The following SLC2A9 variants were observed in gnomAD, a reference collection of about 807,000 sequenced individuals.
SLC2A9 encodes solute carrier family 2, facilitated glucose transporter member 9.
In SLC2A9, 39 loss-of-function variants were observed where a neutral mutation model predicts 50.6. The observed-to-expected ratio is 0.77, with a 90% CI of 0.60 to 1.01. SLC2A9 has a LOEUF of 1.01. Ranked by LOEUF, SLC2A9 falls within the 50% of genes least tolerant of loss-of-function variation. The probability of loss-of-function intolerance (pLI) is 0.00; values close to 1 mark genes in which losing one functional copy is unlikely to be tolerated. For missense variants in SLC2A9, 686 were observed against 677.6 expected, an observed-to-expected ratio of 1.01 and a Z score of -0.14; for synonymous variants, 324 against 276.9, an observed-to-expected ratio of 1.17 and a Z score of -1.69.
chr4:9,942,759 T>C (rs1748411528), intron 5 of SLC2A9, among the ~76,000 whole-genome samples: 1 of 152,140 alleles, frequency 6.6e-6, no homozygotes, highest in African/African-American at 2.4e-5. Flanking sequence ...CCCATCAAGG[T>C]AGTATTCGTC....
intron 3 of SLC2A9, among the ~76,000 whole-genome samples, chr4:9,994,784 C>T (rs1044439775): frequency 1.3e-5 from 2 of 151,902 alleles, no homozygotes; most frequent in African/African-American, 4.8e-5. Context: ...TCAGAGCCTC[C>T]TTGAGGAGCA....
chr4:9,845,578 C>T (rs970725278), intron 10 of SLC2A9, among the ~76,000 whole-genome samples: 2 of 150,630 alleles, frequency 1.3e-5, no homozygotes, highest in African/African-American at 2.5e-5. Flanking sequence ...TACAGGCGCC[C>T]GCTACCACGA....
chr4:10,021,676 AT>A (rs35419761), upstream of SLC2A9, among the ~76,000 whole-genome samples: 16,190 of 146,004 alleles, frequency 0.11, 1,527 homozygotes, highest in East Asian at 0.46. Flanking sequence ...AGGGGGTGGA[AT>A]TTTTTTTTTT....
chr4:9,861,681 G>A (rs189616584), intron 10 of SLC2A9, among the ~76,000 whole-genome samples: 71 of 147,198 alleles, frequency 4.8e-4, no homozygotes, highest in African/African-American at 1.7e-3. Flanking sequence ...TTCTGGTATA[G>A]GGGCTCAATA....
At chr4:9,842,287 G>A (rs1196907838) in intron 10 of SLC2A9, among the ~76,000 whole-genome samples, 1 of 152,160 alleles carries the variant, frequency 6.6e-6, no homozygotes, top group African/African-American at 2.4e-5. Flanking sequence ...GTGTGTAGGT[G>A]CTGCTCATCT....
At chr4:9,839,790 C>A (rs536694686) in intron 10 of SLC2A9, among the ~76,000 whole-genome samples, 36 of 151,974 alleles carry the variant, frequency 2.4e-4, no homozygotes, top group Admixed American at 2.0e-3. Flanking sequence ...AACAAATGGA[C>A]ACATAGAGCG....
intron 5 of SLC2A9, among the ~76,000 whole-genome samples, chr4:9,957,833 G>A (rs1250802828): frequency 6.6e-6 from 1 of 152,122 alleles, no homozygotes; most frequent in Non-Finnish European, 1.5e-5. Context: ...TGACTGCAAG[G>A]AGTTTCAGAG....
At chr4:9,813,492 C>G (rs1380429331) in intron 3 of SLC2A9, among the ~76,000 whole-genome samples, 1 of 152,174 alleles carries the variant, frequency 6.6e-6, no homozygotes. Flanking sequence ...CATTCATTCC[C>G]TTCACAAGGC....
intron 1 of SLC2A9, among the ~76,000 whole-genome samples, chr4:10,020,688 G>A (rs941886344): frequency 2.1e-4 from 32 of 152,174 alleles, no homozygotes; most frequent in African/African-American, 7.7e-4. Flanking sequence ...GCTGTGCTGG[G>A]CATCGTTTCT....
At chr4:10,001,713 T>C (rs1578274784) in intron 2 of SLC2A9, among the ~76,000 whole-genome samples, 1 of 152,196 alleles carries the variant, frequency 6.6e-6, no homozygotes, top group Non-Finnish European at 1.5e-5. Flanking sequence ...ATGGCCACTA[T>C]GTTCTTTCTT....
intron 6 of SLC2A9, among the ~76,000 whole-genome samples, chr4:9,941,233 T>C (rs1420153180): frequency 6.6e-6 from 1 of 152,188 alleles, no homozygotes; most frequent in African/African-American, 2.4e-5. Context: ...CAGGGCTCTG[T>C]AGAGAGATGT....
Position 9,985,719 on chromosome 4 carries a change from C to A in SLC2A9, c.485G>T (p.Gly162Val), listed in dbSNP as rs141087322. Residue 162 changes from glycine (G) to valine (V), a missense_variant, in exon 4 of 12, where the codon GGA becomes GTA. Gly to Val is a moderately radical substitution (Grantham distance 109). Transcript: ENST00000264784. ...ALLMACSLQAGAFEMLIVGRF... is the reference protein window; with the variant it reads ...ALLMACSLQAVAFEMLIVGRF... The stretch of plus-strand genomic sequence containing the variant: ...TCCCACGATGAGCATTTCAAAGGCT[C>A]CTGCCTGGAGCGAGCAGGCCATCAG... 2 of 1,613,936 alleles carry A rather than the reference C, an allele frequency of 1.2e-6. No homozygotes were observed. Among genetic ancestry groups the A allele is most frequent in the African/African-American group, 2.7e-5 (2 of 74,954 alleles).
At chr4:9,794,871 C>G (rs2867388), downstream of SLC2A9, among the ~76,000 whole-genome samples, 139,801 of 152,174 alleles carry the variant, frequency 0.92, 64,432 homozygotes, top group Middle Eastern at 0.96. Context: ...GGGCTACCCA[C>G]GTGGGTGTAT....
chr4:9,943,993 G>A (rs911103904), intron 5 of SLC2A9, among the ~76,000 whole-genome samples: 1 of 152,234 alleles, frequency 6.6e-6, no homozygotes, highest in Non-Finnish European at 1.5e-5. Context: ...GAGCCACACA[G>A]GTGGAAATCA....
intron 8 of SLC2A9, among the ~76,000 whole-genome samples, chr4:9,898,576 C>G (rs554664389): frequency 6.6e-6 from 1 of 152,256 alleles, no homozygotes; most frequent in Non-Finnish European, 1.5e-5. Flanking sequence ...TACATGAGTT[C>G]TTCCCTGTGC....
intron 7 of SLC2A9, among the ~76,000 whole-genome samples, chr4:9,911,750 T>A (rs1741843515): frequency 6.6e-6 from 1 of 152,348 alleles, no homozygotes; most frequent in African/African-American, 2.4e-5. Context: ...GTAAAAATTT[T>A]AATGATGATA....
intron 6 of SLC2A9, among the ~76,000 whole-genome samples, chr4:9,935,144 A>G (rs914364564): frequency 6.6e-6 from 1 of 152,224 alleles, no homozygotes; most frequent in South Asian, 2.1e-4. Flanking sequence ...TTACAGTACA[A>G]TGATTTATAT....
chr4:9,915,108 C>A (rs1348085975), intron 7 of SLC2A9, among the ~76,000 whole-genome samples: 4 of 152,122 alleles, frequency 2.6e-5, no homozygotes, highest in Admixed American at 2.6e-4. Flanking sequence ...GTGTCTCACC[C>A]AGGACTACAC....
chr4:9,983,294 G>A lies in SLC2A9; in HGVS notation c.535+2375C>T, dbSNP rs955760642. On this transcript the variant is annotated intron_variant, in intron 4 of 11. Coordinates refer to ENST00000264784, the MANE Select transcript of SLC2A9 (RefSeq NM_020041.3). ...GTCCCTGATTTGTACCCCCTCCCTG[G>A]ATCGACATCCTTGGGGAGTTAGTCC... Among the ~76,000 whole-genome samples, 12 of 152,334 alleles carry A rather than the reference G, an allele frequency of 7.9e-5. No individual in the cohort carries two copies. In the South Asian group the frequency reaches 2.1e-3, roughly 26 times the overall value.
Sources: gnomAD v4.1 joint callset for allele counts (sites outside exome capture counted in the v4.1 genomes callset) on GRCh38, gnomAD v4.1.1 for gene constraint, MANE v1.5 for transcripts, NCBI Gene and HGNC (gene_info 2026-07-23, HGNC 2026-07-21) for gene names.